TTC29: variants seen among roughly 807,000 people sequenced by gnomAD.
TTC29 encodes tetratricopeptide repeat domain 29, also known as tetratricopeptide repeat protein 29.
In TTC29, 49 loss-of-function variants were observed where a neutral mutation model predicts 58.1. That is an observed-to-expected ratio of 0.84 (90% CI 0.67 to 1.07). The LOEUF (loss-of-function observed/expected upper bound fraction) is 1.07. Ranked by LOEUF, TTC29 falls within the 50% of genes least tolerant of loss-of-function variation. The pLI is 0.00. For synonymous variants in TTC29, 209 were observed against 196.8 expected (o/e 1.06, Z -0.52); for missense variants, 582 against 555.6 (o/e 1.05, Z -0.48).
At chr4:146,925,306 A>C (rs1734852899) in intron 4 of TTC29, among the ~76,000 whole-genome samples, 1 of 152,094 alleles carries the variant, frequency 6.6e-6, no homozygotes, top group Admixed American at 6.6e-5. Flanking sequence ...AATCTCCAAC[A>C]AAAATTATGG....
chr4:146,942,773 A>G, intron 2 of TTC29: 1 of 625,764 alleles, frequency 1.6e-6, no homozygotes, highest in Non-Finnish European at 2.6e-6. Flanking sequence ...ACTCTTTTCT[A>G]AAAGCCCCAC....
At chr4:146,802,576 A>C (rs1380524211) in intron 11 of TTC29, among the ~76,000 whole-genome samples, 1 of 152,368 alleles carries the variant, frequency 6.6e-6, no homozygotes, top group East Asian at 1.9e-4. Context: ...ATTATTTACA[A>C]TTTATTCTAT....
At chr4:146,939,246 G>A (rs1736135030) in intron 3 of TTC29, among the ~76,000 whole-genome samples, 1 of 152,152 alleles carries the variant, frequency 6.6e-6, no homozygotes, top group Non-Finnish European at 1.5e-5. Context: ...CTTGAGGCCA[G>A]GAGTTCAAGA....
At chr4:146,736,135 T>A (rs1744693161) in intron 11 of TTC29, among the ~76,000 whole-genome samples, 2 of 151,948 alleles carry the variant, frequency 1.3e-5, no homozygotes. Flanking sequence ...AGAAATTTGA[T>A]CTGAAATTGC....
chr4:146,742,632 GTTTCCTTCCTTC>G (rs1013041048), intron 11 of TTC29, among the ~76,000 whole-genome samples: 1 of 24,908 alleles, frequency 4.0e-5, no homozygotes, highest in African/African-American at 1.5e-4. Flanking sequence ...TCCTTCCTTC[GTTTCCTTCCTTC>G]TTTCCTTCCT....
intron 11 of TTC29, among the ~76,000 whole-genome samples, chr4:146,778,764 G>A (rs565287767): frequency 6.6e-6 from 1 of 151,904 alleles, no homozygotes; most frequent in East Asian, 1.9e-4. Flanking sequence ...CTTATAAGCA[G>A]GAGTGAAACA....
chr4:146,942,646 T>C, intron 2 of TTC29: 3 of 1,530,798 alleles, frequency 2.0e-6, no homozygotes, highest in African/African-American at 2.7e-5. Flanking sequence ...ACAGTGAACA[T>C]CGGAATCATC....
In TTC29 at chr4:146,811,230, C is replaced by T. The variant is rs1279411806; in HGVS notation, c.1102-7545G>A. On this transcript the variant is annotated intron_variant, in intron 10 of 12. Coordinates refer to ENST00000325106, the MANE Select transcript of TTC29 (RefSeq NM_031956.4). ...ACATGGCTCTTATGAAGCATGGGGG[C>T]CAATGCTAAATACTTCGTATATATT... Among the ~76,000 whole-genome samples the T allele has an allele frequency of 3.3e-5, 5 of 152,194 alleles. No individual in the cohort carries two copies. The East Asian group carries it at 9.6e-4, about 29-fold the overall frequency.
chr4:146,760,020 T>C (rs1435114603), intron 11 of TTC29, among the ~76,000 whole-genome samples: 2 of 151,990 alleles, frequency 1.3e-5, no homozygotes, highest in Non-Finnish European at 2.9e-5. Flanking sequence ...ACAATATGAT[T>C]GTTTACCTTT....
intron 4 of TTC29, chr4:146,934,069 A>C (rs1488820139): frequency 6.6e-6 from 1 of 152,376 alleles, no homozygotes; most frequent in Non-Finnish European, 1.5e-5. Context: ...CAGACCATGC[A>C]CAGCTTCAGG....
chr4:146,750,698 A>T (rs548117375), intron 11 of TTC29, among the ~76,000 whole-genome samples: 2 of 152,320 alleles, frequency 1.3e-5, no homozygotes, highest in East Asian at 1.9e-4. Context: ...TTTCATGGTG[A>T]TCGCAAAACA....
chr4:146,818,834 A>G (rs1751618822), intron 10 of TTC29, among the ~76,000 whole-genome samples: 1 of 152,094 alleles, frequency 6.6e-6, no homozygotes, highest in Non-Finnish European at 1.5e-5. Flanking sequence ...TATCGCAAGG[A>G]CAAAAAACCA....
chr4:146,894,122 C>A (rs1247261388), intron 6 of TTC29, among the ~76,000 whole-genome samples: 1 of 151,888 alleles, frequency 6.6e-6, no homozygotes, highest in Admixed American at 6.6e-5. Context: ...GTCAATATGG[C>A]GATTCCTCAG....
At chr4:146,914,818 A>G (rs547831832) in intron 4 of TTC29, among the ~76,000 whole-genome samples, 1 of 152,286 alleles carries the variant, frequency 6.6e-6, no homozygotes, top group Admixed American at 6.5e-5. Context: ...CTCCCTAAAA[A>G]AATGCAGAGA....
chr4:146,810,588 CTTTTT>C (rs398051307), intron 10 of TTC29, among the ~76,000 whole-genome samples: 1 of 96,318 alleles, frequency 1.0e-5, no homozygotes, highest in South Asian at 3.5e-4. Context: ...TACATACCTT[CTTTTT>C]TTTTTTTTTT....
At chr4:146,759,714 A>G (rs1288151616) in intron 11 of TTC29, among the ~76,000 whole-genome samples, 3 of 152,112 alleles carry the variant, frequency 2.0e-5, no homozygotes, top group Non-Finnish European at 4.4e-5. Flanking sequence ...ATGCAGAAAA[A>G]GCATTCAACA....
Position 146,754,637 on chromosome 4 carries a change from A to C in TTC29, c.1331-47086T>G, listed in dbSNP as rs553418844. On this transcript the variant is annotated intron_variant, in intron 11 of 12. Transcript: ENST00000325106. The stretch of plus-strand genomic sequence containing the variant: ...TAACATATGCAAATCAATCAATATG[A>C]TACATCACATTAACAGAATGAAAGA... 7.2e-5 allele frequency among the ~76,000 whole-genome samples: 11 copies of C among 152,330 alleles called. No individual in the cohort carries two copies. In the South Asian group the frequency reaches 1.5e-3, roughly 20 times the overall value.
intron 5 of TTC29, among the ~76,000 whole-genome samples, chr4:146,906,301 T>A (rs927215686): frequency 6.6e-6 from 1 of 152,200 alleles, no homozygotes; most frequent in Non-Finnish European, 1.5e-5. Context: ...TAACTCTAGG[T>A]TACTGCTCTG....
chr4:146,839,776 T>C (rs956973253), intron 8 of TTC29, among the ~76,000 whole-genome samples: 3 of 151,798 alleles, frequency 2.0e-5, no homozygotes, highest in Non-Finnish European at 4.4e-5. Flanking sequence ...TTGGGAAAAA[T>C]TCCGCAATAC....
Sources: gnomAD v4.1 joint callset for allele counts (sites outside exome capture counted in the v4.1 genomes callset) on GRCh38, gnomAD v4.1.1 for gene constraint, MANE v1.5 for transcripts, NCBI Gene and HGNC (gene_info 2026-07-23, HGNC 2026-07-21) for gene names.